PDE1C: variants seen among roughly 807,000 people sequenced by gnomAD.
The protein encoded by PDE1C is phosphodiesterase 1C.
In PDE1C, 62 loss-of-function variants were observed where a neutral mutation model predicts 93.1. The observed-to-expected ratio is 0.67, with a 90% CI of 0.54 to 0.82. The LOEUF (loss-of-function observed/expected upper bound fraction) is 0.82. PDE1C is among the 40% of genes least tolerant of loss of function. The probability of loss-of-function intolerance (pLI) is 0.00; values close to 1 mark genes in which losing one functional copy is unlikely to be tolerated. For synonymous variants in PDE1C, 325 were observed against 310.1 expected (o/e 1.05, Z -0.50); for missense variants, 742 against 884.6 (o/e 0.84, Z 2.04).
intron 2 of PDE1C, among the ~76,000 whole-genome samples, chr7:31,981,583 C>T (rs1285233363): frequency 6.6e-6 from 1 of 152,178 alleles, no homozygotes; most frequent in African/African-American, 2.4e-5. Flanking sequence ...GAATTATGAT[C>T]TACAGTTTAT....
chr7:31,636,764 C>T, the PDE1C span, among the ~76,000 whole-genome samples: 1 of 151,264 alleles, frequency 6.6e-6, no homozygotes, highest in Non-Finnish European at 1.5e-5. Flanking sequence ...TTTTAGGGTA[C>T]ATGTGCGTAA....
chr7:32,213,507 C>T (rs1806208155), intron 1 of PDE1C, among the ~76,000 whole-genome samples: 2 of 152,180 alleles, frequency 1.3e-5, no homozygotes, highest in South Asian at 2.1e-4. Context: ...TGCTGTCGCC[C>T]GGCTCGTCAA....
intron 2 of PDE1C, among the ~76,000 whole-genome samples, chr7:31,890,639 A>G (rs1562980282): frequency 6.6e-6 from 1 of 152,162 alleles, no homozygotes. Flanking sequence ...CCATACTACA[A>G]ATATAAGTTT....
At chr7:32,298,967 G>C in exon 1 of PDE1C, 1 of 1,297,760 alleles carries the variant, frequency 7.7e-7, no homozygotes, top group Non-Finnish European at 9.7e-7. Context: ...CGTCGCGACT[G>C]CCCCATCTCC....
At chr7:32,074,751 A>AG (rs1158412534), upstream of PDE1C, among the ~76,000 whole-genome samples, 1 of 152,216 alleles carries the variant, frequency 6.6e-6, no homozygotes, top group Non-Finnish European at 1.5e-5. Flanking sequence ...TTTGCATGAA[A>AG]GGTGGGTGGA....
chr7:32,281,434 G>A (rs1811619455), intron 1 of PDE1C, among the ~76,000 whole-genome samples: 1 of 152,078 alleles, frequency 6.6e-6, no homozygotes. Context: ...ATTAAAGGAA[G>A]TCAGGCCAGG....
At chr7:31,792,037 T>C (rs1011245963) in intron 16 of PDE1C, among the ~76,000 whole-genome samples, 2 of 152,100 alleles carry the variant, frequency 1.3e-5, no homozygotes, top group African/African-American at 4.8e-5. Context: ...GCTGTGCCTG[T>C]GTTCATTGTC....
chr7:32,374,047 A>G (rs950967282), intron 1 of PDE1C, among the ~76,000 whole-genome samples: 1 of 125,854 alleles, frequency 7.9e-6, no homozygotes, highest in African/African-American at 2.9e-5. Context: ...GAGAGAAATA[A>G]AGAAAGGGAG....
intron 2 of PDE1C, among the ~76,000 whole-genome samples, chr7:31,915,646 A>T (rs1801792867): frequency 6.6e-6 from 1 of 152,194 alleles, no homozygotes; most frequent in Non-Finnish European, 1.5e-5. Context: ...CGTGAAAGGC[A>T]ATAATATTAG....
At chr7:32,228,718 T>C (rs777537126) in intron 1 of PDE1C, among the ~76,000 whole-genome samples, 3 of 152,172 alleles carry the variant, frequency 2.0e-5, no homozygotes, top group Non-Finnish European at 4.4e-5. Context: ...GCCTGCTGCA[T>C]AGAGCAAGGT....
At chr7:31,865,447 C>T (rs879433408) in intron 6 of PDE1C, among the ~76,000 whole-genome samples, 20 of 152,124 alleles carry the variant, frequency 1.3e-4, no homozygotes, top group Non-Finnish European at 2.5e-4. Flanking sequence ...ATTTCCTTGT[C>T]CTCCTCTACT....
At position 31,782,970 on chromosome 7, in the gene PDE1C, T is replaced by C. The variant is rs540668206; in HGVS notation, c.1892-7238A>G. Among the ~76,000 whole-genome samples, 3 of 152,332 alleles carry C rather than the reference T, an allele frequency of 2.0e-5. No individual in the cohort carries two copies. In the East Asian group the frequency reaches 5.8e-4, roughly 29 times the overall value. On this transcript the variant is annotated intron_variant, in intron 16 of 17. Coordinates refer to ENST00000396191, the MANE Select transcript of PDE1C (RefSeq NM_001191057.4). ...TCAAACACAGCTGGTAGGTTAGGCATATTAAATGCATTTTCGACTTACAGT... is the reference window on the plus strand; with the variant it reads ...TCAAACACAGCTGGTAGGTTAGGCACATTAAATGCATTTTCGACTTACAGT...
the PDE1C span, among the ~76,000 whole-genome samples, chr7:31,677,797 A>G: frequency 6.6e-6 from 1 of 152,172 alleles, no homozygotes; most frequent in Non-Finnish European, 1.5e-5. Context: ...AGAAAATGCT[A>G]TCATAAAAAC....
intron 14 of PDE1C, 108 bp from the exon 15 acceptor site, chr7:31,816,262 G>A: frequency 1.0e-6 from 1 of 998,426 alleles, no homozygotes; most frequent in Non-Finnish European, 1.5e-6. Context: ...TGTTTACTGA[G>A]TGTTTGGGTA....
At chr7:32,032,580 G>C (rs1041731008) in intron 2 of PDE1C, among the ~76,000 whole-genome samples, 3 of 152,156 alleles carry the variant, frequency 2.0e-5, no homozygotes, top group African/African-American at 7.2e-5. Flanking sequence ...GGACTAGAGA[G>C]AAAATATCAG....
intron 2 of PDE1C, among the ~76,000 whole-genome samples, chr7:31,984,915 G>A (rs1460353293): frequency 6.6e-6 from 1 of 152,170 alleles, no homozygotes; most frequent in African/African-American, 2.4e-5. Flanking sequence ...AATCTAGGAA[G>A]ATGACAGAAA....
At chr7:32,295,578 T>C (rs1307362951) in intron 1 of PDE1C, among the ~76,000 whole-genome samples, 1 of 152,176 alleles carries the variant, frequency 6.6e-6, no homozygotes. Flanking sequence ...GCAATTAAGC[T>C]ACTAGAAGTT....
chr7:31,791,921 G>T (rs908067673), intron 16 of PDE1C, among the ~76,000 whole-genome samples: 1 of 152,062 alleles, frequency 6.6e-6, no homozygotes, highest in African/African-American at 2.4e-5. Context: ...CTGCTTATGG[G>T]TGAGATGGTG....
intron 1 of PDE1C, among the ~76,000 whole-genome samples, chr7:32,239,464 A>G (rs1355649072): frequency 6.6e-6 from 1 of 152,194 alleles, no homozygotes; most frequent in Non-Finnish European, 1.5e-5. Context: ...ATAACCAACA[A>G]AATACTAGTA....
Sources: gnomAD v4.1 joint callset for allele counts (sites outside exome capture counted in the v4.1 genomes callset) on GRCh38, gnomAD v4.1.1 for gene constraint, MANE v1.5 for transcripts, NCBI Gene and HGNC (gene_info 2026-07-23, HGNC 2026-07-21) for gene names.